The following TNPO1 variants were observed in gnomAD, a reference collection of about 807,000 sequenced individuals.
TNPO1 encodes the protein transportin-1.
TNPO1 carries 8 observed loss-of-function variants against 119.5 expected under a neutral mutation model. That is an observed-to-expected ratio of 0.07 (90% CI 0.04 to 0.12). TNPO1 has a LOEUF of 0.12. TNPO1 is among the 10% of genes least tolerant of loss of function. TNPO1 has a pLI of 1.00. For missense variants in TNPO1, 576 were observed against 1,089.8 expected, an observed-to-expected ratio of 0.53 and a Z score of 6.64; for synonymous variants, 362 against 363.0, an observed-to-expected ratio of 1.00 and a Z score of 0.03.
In TNPO1 at chr5:72,827,468, G is replaced by A. The variant is rs148400646; in HGVS notation, c.15+10716G>A. Among the ~76,000 whole-genome samples, 8 of 152,288 alleles carry A rather than the reference G, an allele frequency of 5.3e-5. No individual in the cohort carries two copies. The East Asian group carries it at 1.3e-3, about 26-fold the overall frequency. On this transcript the variant is annotated intron_variant, in intron 1 of 24. Coordinates refer to ENST00000337273, the MANE Select transcript of TNPO1 (RefSeq NM_002270.4). ...GGCAAGCAAATCTGCCTAAACCATG[G>A]ACTAGGGTAGACAGCAGAGGGGGTG...
In TNPO1 at chr5:72,906,264, C is replaced by CTTTTTTTTTCTTTTTT. The variant is rs1561365743; in HGVS notation, c.*35+828_*35+829insCTTTTTTTTTTTTTTT. Among the ~76,000 whole-genome samples, 3 of 90,268 alleles carry CTTTTTTTTTCTTTTTT rather than the reference C, an allele frequency of 3.3e-5. 1 individual carries two copies. The highest frequency in any genetic ancestry group is 4.7e-5 in the African/African-American group (1 of 21,398). 59.2% of individuals were successfully genotyped at this position (90,268 alleles called of 152,430 possible). ...CTGAGTACCTACCATGTGCCCATCA[C>CTTTTTTTTTCTTTTTT]TTTTTTTTTTCTTTTTTTTTTTTTT... On this transcript the variant is annotated intron_variant, in intron 24 of 24. Coordinates refer to ENST00000337273, the MANE Select transcript of TNPO1 (RefSeq NM_002270.4).
rs1747491224 is a variant in TNPO1 at position 72,872,649 on chromosome 5, G to A, written c.607G>A (p.Val203Ile). Residue 203 changes from valine to isoleucine, a missense_variant, in exon 7 of 25, where the codon GTT becomes ATT. Transcript: ENST00000337273. ...HSSPKIRSHA[V>I]ACVNQFIISR... The stretch of plus-strand genomic sequence containing the variant: ...AAACTTTGTTTCTAGGTCTCACGCT[G>A]TTGCATGTGTCAATCAGTTTATCAT... 6.2e-7 allele frequency: 1 copy of A among 1,608,282 alleles called. No individual in the cohort carries two copies. Among genetic ancestry groups the A allele is most frequent in the Non-Finnish European group, 8.5e-7 (1 of 1,177,394 alleles).
chr5:72,822,908 CTTTTTTT>C (rs56331096), intron 1 of TNPO1, among the ~76,000 whole-genome samples: 3 of 76,082 alleles, frequency 3.9e-5, no homozygotes, highest in East Asian at 6.8e-4. Flanking sequence ...TGGGTCTACA[CTTTTTTT>C]TTTTTTTTTT....
chr5:72,833,098 C>T (rs1318277443), intron 1 of TNPO1, among the ~76,000 whole-genome samples: 3 of 152,130 alleles, frequency 2.0e-5, no homozygotes, highest in Non-Finnish European at 2.9e-5. Context: ...ATTTCTAATC[C>T]ATGAATGACT....
chr5:72,902,161 C>T (rs989409325), intron 22 of TNPO1, among the ~76,000 whole-genome samples: 1 of 151,730 alleles, frequency 6.6e-6, no homozygotes, highest in Non-Finnish European at 1.5e-5. Flanking sequence ...TAAAACTGCC[C>T]CAAAAAAATG....
chr5:72,829,976 A>G (rs546087597), intron 1 of TNPO1, among the ~76,000 whole-genome samples: 2 of 152,244 alleles, frequency 1.3e-5, no homozygotes, highest in South Asian at 4.1e-4. Context: ...CCCCTGCCCA[A>G]GTAGGAAACA....
At chr5:72,891,720 C>G (rs764776697) in intron 14 of TNPO1, 90 bp from the exon 15 acceptor site, 88 of 936,996 alleles carry the variant, frequency 9.4e-5, no homozygotes, top group Non-Finnish European at 1.4e-4. Flanking sequence ...TACACAATTG[C>G]TCAAAATGGA....
intron 4 of TNPO1, among the ~76,000 whole-genome samples, chr5:72,857,411 A>C (rs1451178191): frequency 6.6e-6 from 1 of 152,136 alleles, no homozygotes; most frequent in African/African-American, 2.4e-5. Flanking sequence ...CCCTGCAGAT[A>C]TTCTTGTATT....
chr5:72,825,446 G>A (rs995902955), intron 1 of TNPO1, among the ~76,000 whole-genome samples: 2 of 152,156 alleles, frequency 1.3e-5, no homozygotes, highest in African/African-American at 2.4e-5. Flanking sequence ...CCAGCACTTT[G>A]GGAGGCTGAG....
intron 23 of TNPO1, among the ~76,000 whole-genome samples, chr5:72,904,658 G>A (rs569839005): frequency 3.3e-5 from 5 of 152,210 alleles, no homozygotes; most frequent in African/African-American, 1.2e-4. Context: ...TTAGCTAGGG[G>A]TGGTGGCGGA....
intron 6 of TNPO1, among the ~76,000 whole-genome samples, chr5:72,869,446 C>G (rs529190997): frequency 1.6e-4 from 24 of 152,212 alleles, no homozygotes; most frequent in Admixed American, 1.4e-3. Flanking sequence ...ACTTGGGAGG[C>G]TGAGGCACGA....
intron 1 of TNPO1, among the ~76,000 whole-genome samples, chr5:72,847,428 C>T (rs1580384479): frequency 6.6e-6 from 1 of 152,324 alleles, no homozygotes; most frequent in South Asian, 2.1e-4. Context: ...ATATTCGTGT[C>T]TCAGTCTTCA....
intron 3 of TNPO1, among the ~76,000 whole-genome samples, chr5:72,851,890 T>C (rs756630628): frequency 6.6e-6 from 1 of 152,240 alleles, no homozygotes; most frequent in African/African-American, 2.4e-5. Context: ...TTTGCTTTCA[T>C]GCATATAGAT....
chr5:72,858,041 G>A (rs1194700571), intron 4 of TNPO1, among the ~76,000 whole-genome samples: 2 of 152,206 alleles, frequency 1.3e-5, no homozygotes, highest in Non-Finnish European at 2.9e-5. Flanking sequence ...TTTAGTTTAT[G>A]TTAAGTAGAT....
chr5:72,826,913 A>G (rs1469632722), intron 1 of TNPO1, among the ~76,000 whole-genome samples: 1 of 152,186 alleles, frequency 6.6e-6, no homozygotes, highest in Non-Finnish European at 1.5e-5. Context: ...TTTTTTAGCA[A>G]TGAGAAACAG....
At chr5:72,839,041 T>C (rs2112211931) in intron 1 of TNPO1, among the ~76,000 whole-genome samples, 1 of 152,298 alleles carries the variant, frequency 6.6e-6, no homozygotes, top group Non-Finnish European at 1.5e-5. Flanking sequence ...ACGTAAGGCT[T>C]TTAAAAAGCT....
At chr5:72,871,268 C>A (rs12514597) in intron 6 of TNPO1, among the ~76,000 whole-genome samples, 20,594 of 152,158 alleles carry the variant, frequency 0.14, 1,803 homozygotes, top group Admixed American at 0.2. Flanking sequence ...TGAGTCACTG[C>A]GCCCAGCCAG....
At chr5:72,855,716 G>T in intron 3 of TNPO1, 58 bp from the exon 4 acceptor site, 2 of 1,403,876 alleles carry the variant, frequency 1.4e-6, no homozygotes, top group Non-Finnish European at 1.9e-6. Context: ...AAAACTTATC[G>T]GCACATTTTG....
rs79042574 is a variant in TNPO1 at position 72,833,292 on chromosome 5, G to T, written c.16-15093G>T. Among the ~76,000 whole-genome samples, 179 of 152,116 alleles carry T rather than the reference G, an allele frequency of 1.2e-3. 5 individuals carry two copies. The East Asian group carries it at 0.032, about 28-fold the overall frequency. On this transcript the variant is annotated intron_variant, in intron 1 of 24. Coordinates refer to ENST00000337273, the MANE Select transcript of TNPO1 (RefSeq NM_002270.4). Reference sequence around the variant, plus strand: ...GACAAACTAGTCCCAAGATGTTTTTGCTTTAAGTGGAAGAATTTGAATGTT... The same window carrying T: ...GACAAACTAGTCCCAAGATGTTTTTTCTTTAAGTGGAAGAATTTGAATGTT...
Sources: allele counts gnomAD v4.1 joint callset (sites outside exome capture counted in the v4.1 genomes callset), GRCh38; gene constraint gnomAD v4.1.1; transcripts MANE v1.5; gene names NCBI Gene and HGNC (gene_info 2026-07-23, HGNC 2026-07-21).